The following TMEM132D variants were observed in gnomAD, a reference collection of about 807,000 sequenced individuals.
TMEM132D encodes the protein mature OL transmembrane protein.
Under a neutral mutation model 62.3 loss-of-function variants are expected in TMEM132D, and 21 were observed. That is an observed-to-expected ratio of 0.34 (90% CI 0.24 to 0.49). TMEM132D has a LOEUF of 0.49. Among genes scored for constraint, TMEM132D ranks in the 20% least tolerant of loss-of-function variants. TMEM132D has a pLI of 0.99. For missense variants in TMEM132D, 1,346 were observed against 1,402.8 expected (o/e 0.96, Z 0.65); for synonymous variants, 621 against 575.6 (o/e 1.08, Z -1.13).
intron 1 of TMEM132D, among the ~76,000 whole-genome samples, chr12:129,775,030 T>C (rs1304767492): frequency 6.6e-6 from 1 of 152,080 alleles, no homozygotes; most frequent in Non-Finnish European, 1.5e-5. Context: ...TTAACCATTA[T>C]TGTTACAGAC....
In TMEM132D at chr12:129,817,503, T is replaced by C. The variant is rs528057636; in HGVS notation, c.79+85758A>G. 9.9e-5 allele frequency among the ~76,000 whole-genome samples: 15 copies of C among 152,278 alleles called. No individual in the cohort carries two copies. The East Asian group carries it at 2.7e-3, about 27-fold the overall frequency. ...CAGGATCTGTTGGTAAAACCTCAGG[T>C]CTCACTCCTTCCATTTTCAGTCTGA... is the stretch of plus-strand genomic sequence containing the variant. On this transcript the variant is annotated intron_variant, in intron 1 of 8. Transcript: ENST00000422113.
intron 2 of TMEM132D, among the ~76,000 whole-genome samples, chr12:129,676,111 G>A (rs544886409): frequency 2.6e-5 from 4 of 152,304 alleles, no homozygotes; most frequent in East Asian, 1.9e-4. Flanking sequence ...CTCACACAGA[G>A]CTCAGAAGGA....
chr12:129,143,855 A>G (rs745965474), intron 5 of TMEM132D, among the ~76,000 whole-genome samples: 6 of 152,132 alleles, frequency 3.9e-5, no homozygotes, highest in Non-Finnish European at 8.8e-5. Context: ...CTGAAGGTCG[A>G]TACAATTTGA....
chr12:129,860,897 T>C (rs557890683), intron 1 of TMEM132D, among the ~76,000 whole-genome samples: 12 of 152,238 alleles, frequency 7.9e-5, no homozygotes, highest in African/African-American at 2.4e-4. Flanking sequence ...AAGAACAGGA[T>C]TGGGGAAACT....
chr12:129,775,267 CAAGT>C (rs890561773), intron 1 of TMEM132D, among the ~76,000 whole-genome samples: 18 of 152,284 alleles, frequency 1.2e-4, no homozygotes, highest in African/African-American at 3.9e-4. Context: ...TGATTTTCTG[CAAGT>C]AAGGCTTTGG....
chr12:129,691,371 A>G (rs1225589520), intron 2 of TMEM132D, among the ~76,000 whole-genome samples: 2 of 151,990 alleles, frequency 1.3e-5, no homozygotes, highest in African/African-American at 4.8e-5. Flanking sequence ...GAAAAGCAAT[A>G]GAGAAAATCT....
At chr12:129,285,539 A>AAAAAAAAAAG (rs56018646) in intron 4 of TMEM132D, among the ~76,000 whole-genome samples, 3 of 90,078 alleles carry the variant, frequency 3.3e-5, no homozygotes, top group Non-Finnish European at 4.3e-5. Flanking sequence ...AAAAAAAAAA[A>AAAAAAAAAAG]AGAGAGAGAG....
chr12:129,431,892 C>A (rs1207277398), intron 3 of TMEM132D, among the ~76,000 whole-genome samples: 2 of 152,210 alleles, frequency 1.3e-5, no homozygotes, highest in African/African-American at 4.8e-5. Context: ...CACATGCCTG[C>A]CCCAGGACCT....
intron 1 of TMEM132D, among the ~76,000 whole-genome samples, chr12:129,873,047 C>T (rs1344484640): frequency 6.6e-6 from 1 of 152,148 alleles, no homozygotes; most frequent in African/African-American, 2.4e-5. Flanking sequence ...TTGAAAGACC[C>T]TGAGCAAGTC....
chr12:129,686,573 T>A (rs114355073), intron 2 of TMEM132D, among the ~76,000 whole-genome samples: 1 of 152,158 alleles, frequency 6.6e-6, no homozygotes, highest in Non-Finnish European at 1.5e-5. Context: ...AACACACTAA[T>A]ACAAAGACTA....
chr12:129,865,428 G>A (rs921821041), intron 1 of TMEM132D, among the ~76,000 whole-genome samples: 1 of 152,182 alleles, frequency 6.6e-6, no homozygotes, highest in African/African-American at 2.4e-5. Context: ...GGTTGTGCAA[G>A]ATGGGTCCAC....
chr12:129,580,960 C>T (rs182816730), intron 2 of TMEM132D, among the ~76,000 whole-genome samples: 34 of 152,218 alleles, frequency 2.2e-4, no homozygotes, highest in South Asian at 6.2e-4. Context: ...CTGCAATGCA[C>T]GGACAACATT....
intron 5 of TMEM132D, among the ~76,000 whole-genome samples, chr12:129,157,569 G>T (rs1036691725): frequency 4.6e-5 from 7 of 152,186 alleles, no homozygotes; most frequent in Non-Finnish European, 8.8e-5. Context: ...AAAATATGAT[G>T]TAAACACAAT....
At position 129,084,719 on chromosome 12, in the gene TMEM132D, G is replaced by A. The variant is rs2135620169; in HGVS notation, c.1444-17C>T. The A allele has an allele frequency of 3.7e-6, 6 of 1,611,912 alleles. No homozygotes were observed. Among genetic ancestry groups the A allele is most frequent in the South Asian group, 1.1e-5 (1 of 90,588 alleles). ...GTCAGAAACCTGTGAAGAGGTGAGA[G>A]AGAAAAGGGGAGGGAAAGGTGAGCT... On this transcript the variant is annotated splice_polypyrimidine_tract_variant and intron_variant, in intron 5 of 8. Transcript: ENST00000422113.
chr12:129,644,100 G>A (rs559947667), intron 2 of TMEM132D, among the ~76,000 whole-genome samples: 5 of 152,032 alleles, frequency 3.3e-5, no homozygotes, highest in South Asian at 2.1e-4. Context: ...TGATTCGCCC[G>A]CCTCAGCCTC....
rs372463803 is a variant in TMEM132D, at chr12:129,700,160, G to A, written c.618C>T (p.Pro206=). The A allele has an allele frequency of 2.0e-5, 33 of 1,612,936 alleles. No homozygotes were observed. Among genetic ancestry groups the A allele is most frequent in the Non-Finnish European group, 2.5e-5 (29 of 1,179,990 alleles). ...ACTTCCTCCTCCCGGCAACCACCGT[G>A]GGGGGGCTGAACCAGCTGGACAGGA... ...LELLSSWFSP[P]TVVAGRRKSV... Residue 206 remains proline (P), a synonymous_variant, in exon 2 of 9, where the codon CCC becomes CCT. Transcript: ENST00000422113.
At chr12:129,172,725 T>C (rs1014343729) in intron 5 of TMEM132D, among the ~76,000 whole-genome samples, 3 of 152,134 alleles carry the variant, frequency 2.0e-5, no homozygotes, top group African/African-American at 7.2e-5. Context: ...ATTACAGGCA[T>C]GCACCACCAC....
At chr12:129,305,540 G>A (rs935370225) in intron 4 of TMEM132D, among the ~76,000 whole-genome samples, 3 of 152,226 alleles carry the variant, frequency 2.0e-5, no homozygotes, top group Non-Finnish European at 4.4e-5. Flanking sequence ...AAAAGAAGTG[G>A]CCTGTTATAA....
rs1871345512 is a variant in TMEM132D, at chr12:129,789,647, C to G, written c.80-88949G>C. 2.0e-5 allele frequency among the ~76,000 whole-genome samples: 3 copies of G among 152,276 alleles called. No homozygotes were observed. In the South Asian group the frequency reaches 6.2e-4, roughly 32 times the overall value. On this transcript the variant is annotated intron_variant, in intron 1 of 8. Transcript: ENST00000422113. ...GAGGGCATAGGTTGAAGAAAGGAGACCACTTAGAAGTCTCTGACATGTGTC... is the reference window on the plus strand; with the variant it reads ...GAGGGCATAGGTTGAAGAAAGGAGAGCACTTAGAAGTCTCTGACATGTGTC...
Sources: allele counts gnomAD v4.1 joint callset (sites outside exome capture counted in the v4.1 genomes callset), GRCh38; gene constraint gnomAD v4.1.1; transcripts MANE v1.5; gene names NCBI Gene and HGNC (gene_info 2026-07-23, HGNC 2026-07-21).